The following RGS6 variants were observed in gnomAD, a reference collection of about 807,000 sequenced individuals.
RGS6 encodes the protein regulator of G-protein signaling 6.
RGS6 carries 30 observed loss-of-function variants against 78.5 expected under a neutral mutation model. The ratio of observed to expected loss-of-function variants is 0.38; its 90% CI spans 0.29 to 0.52. RGS6 has a LOEUF of 0.52. RGS6 is among the 20% of genes least tolerant of loss of function. The pLI, the probability that RGS6 is intolerant of heterozygous loss-of-function variation, is 0.85. For missense variants in RGS6, 495 were observed against 609.7 expected (o/e 0.81, Z 1.98); for synonymous variants, 206 against 206.0 (o/e 1.00, Z 0.00).
chr14:72,064,671 C>T (rs544472210), intron 2 of RGS6, among the ~76,000 whole-genome samples: 1 of 152,254 alleles, frequency 6.6e-6, no homozygotes, highest in African/African-American at 2.4e-5. Context: ...TTCAGTTGGG[C>T]CACCAAGCCT....
intron 12 of RGS6, among the ~76,000 whole-genome samples, chr14:72,488,007 A>T (rs560314696): frequency 6.6e-6 from 1 of 152,274 alleles, no homozygotes; most frequent in African/African-American, 2.4e-5. Context: ...CATTCTGATG[A>T]TTCAATACTT....
chr14:72,401,474 A>G (rs918294445), intron 3 of RGS6, among the ~76,000 whole-genome samples: 1 of 151,978 alleles, frequency 6.6e-6, no homozygotes, highest in Non-Finnish European at 1.5e-5. Context: ...TACAGAGCCA[A>G]AAGTCAAACA....
At chr14:71,995,228 GA>G (rs199678150) in intron 2 of RGS6, among the ~76,000 whole-genome samples, 9 of 150,718 alleles carry the variant, frequency 6.0e-5, no homozygotes, top group Non-Finnish European at 1.2e-4. Flanking sequence ...ATCCCCAATT[GA>G]AAAAAAAATC....
intron 1 of RGS6, among the ~76,000 whole-genome samples, chr14:71,948,738 CTCTTTTTTTTTTTTT>C (rs1351292316): frequency 4.0e-5 from 3 of 75,238 alleles, no homozygotes; most frequent in African/African-American, 6.6e-5. Context: ...CTCTCTCTCT[CTCTTTTTTTTTTTTT>C]TTTTTTTTTT....
chr14:71,906,828 C>T, the RGS6 span, among the ~76,000 whole-genome samples: 4 of 54,320 alleles, frequency 7.4e-5, no homozygotes, highest in African/African-American at 1.5e-4. Flanking sequence ...GTATTCCCCA[C>T]ATTTCAGGGA....
chr14:72,190,711 C>G (rs2097312692), intron 2 of RGS6, among the ~76,000 whole-genome samples: 1 of 152,212 alleles, frequency 6.6e-6, no homozygotes, highest in African/African-American at 2.4e-5. Flanking sequence ...AATGCAAGGG[C>G]TGAGAATTTG....
At chr14:72,074,528 C>T (rs868652720) in intron 2 of RGS6, among the ~76,000 whole-genome samples, 1 of 152,174 alleles carries the variant, frequency 6.6e-6, no homozygotes, top group African/African-American at 2.4e-5. Context: ...TGGAAACTAG[C>T]ACCTTTATAA....
intron 2 of RGS6, among the ~76,000 whole-genome samples, chr14:72,127,861 A>G (rs1375871807): frequency 1.3e-5 from 2 of 152,100 alleles, no homozygotes; most frequent in Non-Finnish European, 2.9e-5. Flanking sequence ...GCAACTCCTA[A>G]TTTGTTCTCT....
intron 2 of RGS6, among the ~76,000 whole-genome samples, chr14:72,274,116 C>T (rs1010235931): frequency 3.9e-5 from 6 of 152,192 alleles, no homozygotes; most frequent in Non-Finnish European, 7.3e-5. Flanking sequence ...CATTTCTTCT[C>T]ATGCCACACC....
chr14:71,915,304 C>G, the RGS6 span, among the ~76,000 whole-genome samples: 1 of 151,862 alleles, frequency 6.6e-6, no homozygotes, highest in Non-Finnish European at 1.5e-5. Flanking sequence ...AAGTAGAGAA[C>G]AGAAAGTTGT....
chr14:71,897,894 T>C, the RGS6 span, among the ~76,000 whole-genome samples: 1 of 152,106 alleles, frequency 6.6e-6, no homozygotes, highest in East Asian at 1.9e-4. Flanking sequence ...TAAACATTTT[T>C]TTTTTTTCTT....
At chr14:72,463,944 A>G (rs2095842556) in intron 6 of RGS6, among the ~76,000 whole-genome samples, 4 of 152,246 alleles carry the variant, frequency 2.6e-5, no homozygotes, top group Non-Finnish European at 4.4e-5. Flanking sequence ...GCACACCTTA[A>G]GCACCTCATG....
At chr14:72,200,771 G>T (rs914021597) in intron 2 of RGS6, among the ~76,000 whole-genome samples, 2 of 151,996 alleles carry the variant, frequency 1.3e-5, no homozygotes, top group Non-Finnish European at 2.9e-5. Flanking sequence ...CAATGTGGTC[G>T]ACTTATTTAG....
chr14:72,468,660 C>T (rs2095990665), intron 7 of RGS6, among the ~76,000 whole-genome samples: 1 of 152,102 alleles, frequency 6.6e-6, no homozygotes, highest in African/African-American at 2.4e-5. Flanking sequence ...AGCTGCTTCT[C>T]TTTCCCCAGT....
chr14:72,567,252 C>T (rs953946973), downstream of RGS6, among the ~76,000 whole-genome samples: 1 of 152,144 alleles, frequency 6.6e-6, no homozygotes, highest in Admixed American at 6.5e-5. Flanking sequence ...GGATTTTCTG[C>T]CCCACAGAGT....
At chr14:71,918,731 G>T in the RGS6 span, among the ~76,000 whole-genome samples, 5 of 152,030 alleles carry the variant, frequency 3.3e-5, no homozygotes, top group Non-Finnish European at 5.9e-5. Flanking sequence ...TTCATCCCTG[G>T]TATGCAAGTC....
chr14:72,484,579 T>C (rs1029691030), intron 12 of RGS6, among the ~76,000 whole-genome samples: 2 of 152,190 alleles, frequency 1.3e-5, no homozygotes, highest in Admixed American at 6.5e-5. Flanking sequence ...AGCAAAATTA[T>C]AAGTCTTTTG....
At chr14:72,554,452 G>A (rs2153538521) in intron 17 of RGS6, among the ~76,000 whole-genome samples, 1 of 152,076 alleles carries the variant, frequency 6.6e-6, no homozygotes, top group East Asian at 1.9e-4. Context: ...TTTCCTAGTT[G>A]GAAAAAAGTA....
chr14:72,360,057 G>C (rs1221988913), intron 3 of RGS6, among the ~76,000 whole-genome samples: 1 of 152,056 alleles, frequency 6.6e-6, no homozygotes, highest in African/African-American at 2.4e-5. Context: ...TTAATAAAAA[G>C]ATAATATGTT....
Sources: gnomAD v4.1 joint callset for allele counts (sites outside exome capture counted in the v4.1 genomes callset) on GRCh38, gnomAD v4.1.1 for gene constraint, MANE v1.5 for transcripts, NCBI Gene and HGNC (gene_info 2026-07-23, HGNC 2026-07-21) for gene names.